The following PCDHGB4 variants were observed in gnomAD, a reference collection of about 807,000 sequenced individuals.
PCDHGB4 encodes protocadherin gamma subfamily B, 4, also known as protocadherin gamma-B4.
Under a neutral mutation model 60.5 loss-of-function variants are expected in PCDHGB4, and 38 were observed. That is an observed-to-expected ratio of 0.63 (90% CI 0.48 to 0.82). PCDHGB4 has a LOEUF of 0.82. PCDHGB4 is among the 40% of genes least tolerant of loss of function. The pLI, the probability that PCDHGB4 is intolerant of heterozygous loss-of-function variation, is 0.00. For synonymous variants in PCDHGB4, 456 were observed against 509.7 expected (o/e 0.89, Z 1.42); for missense variants, 1,109 against 1,209.6 (o/e 0.92, Z 1.23).
chr5:141,405,327 G>A, intron 1 of PCDHGB4: 1 of 1,614,166 alleles, frequency 6.2e-7, no homozygotes. Flanking sequence ...GAGCCTTTGT[G>A]CGTCTCTGTT....
Position 141,510,868 on chromosome 5 carries a change from T to C in PCDHGB4, c.2546-79T>C, listed in dbSNP as rs2099883142. 40 of 1,608,466 alleles carry C rather than the reference T, an allele frequency of 2.5e-5. No homozygotes were observed. The Middle Eastern group carries it at 4.9e-4, about 20-fold the overall frequency. On this transcript the variant is annotated intron_variant, in intron 3 of 3. Transcript: ENST00000519479. The stretch of plus-strand genomic sequence containing the variant: ...GCCCAGGGTGCTGTATAGGCATTCA[T>C]TAACTGCTGGGGATATAAGACAGTG...
chr5:141,474,626 G>A (rs1006911535), intron 1 of PCDHGB4, among the ~76,000 whole-genome samples: 5 of 152,288 alleles, frequency 3.3e-5, no homozygotes, highest in African/African-American at 9.6e-5. Flanking sequence ...CATCTCTTCC[G>A]GAAATATCCT....
At position 141,476,675 on chromosome 5, in the gene PCDHGB4, C is replaced by T. The variant is rs2099395961; in HGVS notation, c.2398-18132C>T. On this transcript the variant is annotated intron_variant, in intron 1 of 3. Transcript: ENST00000519479. The surrounding 1 kb of genome is among the most constrained non-coding windows in gnomAD (Gnocchi z 7.6). ...ATACTTTGCGCTTCGCGTGCAGACG[C>T]GGGAGGACAGCACCAAGTACGCGGA... 1.2e-6 allele frequency: 2 copies of T among 1,614,124 alleles called. No homozygotes were observed. The highest frequency in any genetic ancestry group is 8.5e-7 in the Non-Finnish European group (1 of 1,180,062).
intron 2 of PCDHGB4, among the ~76,000 whole-genome samples, chr5:141,496,538 T>G (rs568286018): frequency 1.5e-4 from 23 of 152,266 alleles, no homozygotes; most frequent in African/African-American, 5.5e-4. Flanking sequence ...TGGCAGAGAT[T>G]CCAGCTTCTG....
intron 1 of PCDHGB4, chr5:141,414,344 T>C: frequency 6.2e-7 from 1 of 1,613,882 alleles, no homozygotes; most frequent in Non-Finnish European, 8.5e-7. Flanking sequence ...ACCTGTTCCA[T>C]TTTGGCGTAT....
intron 1 of PCDHGB4, chr5:141,395,547 TGTGTGTGTGTGTGTGTGTGTGTGTGTG>T: frequency 5.8e-6 from 1 of 173,894 alleles, no homozygotes; most frequent in Non-Finnish European, 1.2e-5. Flanking sequence ...ATTGTTTGTG[TGTGTGTGTGTGTGTGTGTGTGTGTGTG>T]TGTGTGTGTG....
At position 141,432,203 on chromosome 5, in the gene PCDHGB4, G is replaced by A. The variant is rs1282888078; in HGVS notation, c.2397+41922G>A. The A allele has an allele frequency of 3.1e-6, 5 of 1,614,062 alleles. No homozygotes were observed. The highest frequency in any genetic ancestry group is 1.3e-5 in the African/African-American group (1 of 74,920). ...TGTGACCGCCCACGACCCCGACTGT[G>A]AAGAGAACGCCCAGATCACTTATTC... On this transcript the variant is annotated intron_variant, in intron 1 of 3. Transcript: ENST00000519479. The surrounding 1 kb of genome is among the most constrained non-coding windows in gnomAD (Gnocchi z 6.0).
At chr5:141,465,905 G>C (rs938438286) in intron 1 of PCDHGB4, among the ~76,000 whole-genome samples, 8 of 151,958 alleles carry the variant, frequency 5.3e-5, no homozygotes, top group Non-Finnish European at 8.8e-5. Context: ...GGCAAATCAC[G>C]AGGTCAGGAT....
intron 1 of PCDHGB4, chr5:141,399,141 C>T (rs778835051): frequency 1.9e-6 from 3 of 1,613,660 alleles, no homozygotes; most frequent in African/African-American, 1.3e-5. Flanking sequence ...ATGAAAATGA[C>T]AATAGCCCAG....
intron 1 of PCDHGB4, among the ~76,000 whole-genome samples, chr5:141,397,380 A>G (rs1469821900): frequency 1.7e-4 from 26 of 152,236 alleles, no homozygotes; most frequent in Non-Finnish European, 3.8e-4. Flanking sequence ...GGGGATTGGT[A>G]TAAAATTGCC....
intron 2 of PCDHGB4, 105 bp downstream of exon 2, chr5:141,494,970 C>T (rs1352514628): frequency 1.9e-6 from 3 of 1,584,974 alleles, no homozygotes; most frequent in East Asian, 4.6e-5. Context: ...GATGGCTTCT[C>T]CCTCAGTTTG....
At chr5:141,435,644 T>A (rs913195454) in intron 1 of PCDHGB4, among the ~76,000 whole-genome samples, 1 of 152,170 alleles carries the variant, frequency 6.6e-6, no homozygotes, top group Non-Finnish European at 1.5e-5. Flanking sequence ...TGGGAAAATT[T>A]CTGAAACGTG....
intron 1 of PCDHGB4, among the ~76,000 whole-genome samples, chr5:141,469,803 A>G (rs1326367314): frequency 6.6e-6 from 1 of 152,174 alleles, no homozygotes; most frequent in Non-Finnish European, 1.5e-5. Context: ...TTGCAAAAAC[A>G]TTGTAGATAG....
At chr5:141,450,815 A>T (rs183350620) in intron 1 of PCDHGB4, among the ~76,000 whole-genome samples, 1,650 of 126,706 alleles carry the variant, frequency 0.013, 15 homozygotes, top group African/African-American at 0.032. Context: ...TATTTATTTA[A>T]TATTATTATT....
intron 1 of PCDHGB4, chr5:141,413,304 A>G: frequency 6.2e-7 from 1 of 1,613,982 alleles, no homozygotes; most frequent in Non-Finnish European, 8.5e-7. Context: ...CTGAGGAATT[A>G]GAGAAAGGCT....
intron 1 of PCDHGB4, chr5:141,427,300 A>G: frequency 2.2e-6 from 1 of 456,912 alleles, no homozygotes; most frequent in Non-Finnish European, 4.4e-6. Flanking sequence ...CTAGATGAGA[A>G]TGACAATGCC....
intron 1 of PCDHGB4, among the ~76,000 whole-genome samples, chr5:141,463,302 A>T (rs2099056422): frequency 6.6e-6 from 1 of 151,090 alleles, no homozygotes; most frequent in Non-Finnish European, 1.5e-5. Context: ...ATCTCCCCAA[A>T]CTCTAATATC....
At chr5:141,407,309 A>C (rs1197028846) in intron 1 of PCDHGB4, among the ~76,000 whole-genome samples, 1 of 152,240 alleles carries the variant, frequency 6.6e-6, no homozygotes, top group African/African-American at 2.4e-5. Flanking sequence ...AGTAGCCTTC[A>C]TACTTAGTAT....
At chr5:141,478,735 G>T in intron 1 of PCDHGB4, 1 of 1,535,968 alleles carries the variant, frequency 6.5e-7, no homozygotes, top group Non-Finnish European at 8.8e-7. Flanking sequence ...AGTGTGGTTT[G>T]TGGTCCCATT....
Sources: allele counts gnomAD v4.1 joint callset (sites outside exome capture counted in the v4.1 genomes callset), GRCh38; gene constraint gnomAD v4.1.1; non-coding constraint Gnocchi (gnomAD v3.1); transcripts MANE v1.5; gene names NCBI Gene and HGNC (gene_info 2026-07-23, HGNC 2026-07-21).